The following HYDIN variants were observed in gnomAD, a reference collection of about 807,000 sequenced individuals.
The protein encoded by HYDIN is HYDIN axonemal central pair apparatus protein.
Under a neutral mutation model 403.9 loss-of-function variants are expected in HYDIN, and 132 were observed. The ratio of observed to expected loss-of-function variants is 0.33; its 90% CI spans 0.28 to 0.38. The LOEUF (loss-of-function observed/expected upper bound fraction) is 0.38. Among genes scored for constraint, HYDIN ranks in the 10% least tolerant of loss-of-function variants. The pLI, the probability that HYDIN is intolerant of heterozygous loss-of-function variation, is 1.00. For synonymous variants in HYDIN, 1,202 were observed against 1,891.7 expected (o/e 0.64, Z 9.46); for missense variants, 2,827 against 5,009.5 (o/e 0.56, Z 13.15).
chr16:71,037,769 T>A (rs2081142442), intron 18 of HYDIN, among the ~76,000 whole-genome samples: 1 of 152,128 alleles, frequency 6.6e-6, no homozygotes, highest in East Asian at 1.9e-4. Context: ...GGGGGCCCAG[T>A]AGTGGATCTT....
intron 77 of HYDIN, among the ~76,000 whole-genome samples, chr16:70,836,853 A>G (rs1174953577): frequency 1.3e-5 from 2 of 152,228 alleles, no homozygotes; most frequent in Non-Finnish European, 2.9e-5. Context: ...GTGCTAAATG[A>G]ACAAGTGAAA....
intron 60 of HYDIN, among the ~76,000 whole-genome samples, chr16:70,881,315 G>C (rs1332976946): frequency 5.0e-5 from 7 of 140,564 alleles, no homozygotes; most frequent in African/African-American, 2.1e-4. Flanking sequence ...TCCCAAATAA[G>C]ATTAGAGAAT....
intron 5 of HYDIN, among the ~76,000 whole-genome samples, chr16:71,173,627 T>G (rs1325556394): frequency 6.6e-6 from 1 of 152,146 alleles, no homozygotes; most frequent in African/African-American, 2.4e-5. Flanking sequence ...ACTCTTAACA[T>G]TCTATCATTC....
chr16:70,833,589 G>C (rs1197880464), intron 79 of HYDIN, among the ~76,000 whole-genome samples: 4 of 134,018 alleles, frequency 3.0e-5, no homozygotes, highest in Admixed American at 1.5e-4. Context: ...GCTTATCTGT[G>C]AAATGGGTTG....
chr16:71,217,503 G>C (rs188575519), intron 1 of HYDIN, among the ~76,000 whole-genome samples: 1 of 152,088 alleles, frequency 6.6e-6, no homozygotes, highest in Non-Finnish European at 1.5e-5. Context: ...AAAAATCCAC[G>C]AGTGGTGACC....
chr16:71,037,696 C>T (rs1165250790), intron 18 of HYDIN, among the ~76,000 whole-genome samples: 1 of 152,004 alleles, frequency 6.6e-6, no homozygotes, highest in African/African-American at 2.4e-5. Context: ...GACCGAGGGC[C>T]ACCAAAAAAA....
At chr16:71,120,889 TAGA>T (rs1489612498) in intron 9 of HYDIN, among the ~76,000 whole-genome samples, 2 of 152,238 alleles carry the variant, frequency 1.3e-5, no homozygotes, top group African/African-American at 4.8e-5. Flanking sequence ...AACTTACATT[TAGA>T]AGAATGATCC....
At chr16:71,050,699 T>A (rs1460181997) in intron 18 of HYDIN, among the ~76,000 whole-genome samples, 1 of 152,074 alleles carries the variant, frequency 6.6e-6, no homozygotes, top group Middle Eastern at 3.2e-3. Context: ...TTAAGTTTCC[T>A]CCATGTTTTT....
chr16:71,074,500 G>A (rs1208997176), intron 13 of HYDIN, among the ~76,000 whole-genome samples: 3 of 151,602 alleles, frequency 2.0e-5, no homozygotes, highest in African/African-American at 2.4e-5. Context: ...TGGCCAACAT[G>A]GTGAAACCCC....
chr16:71,059,722 C>T (rs9935325), intron 18 of HYDIN, among the ~76,000 whole-genome samples: 60,990 of 151,914 alleles, frequency 0.4, 12,918 homozygotes, highest in Non-Finnish European at 0.47. Context: ...CACACCAAAC[C>T]TGTGACATAC....
chr16:70,842,062 G>A (rs1005567007), intron 75 of HYDIN, among the ~76,000 whole-genome samples: 7 of 150,722 alleles, frequency 4.6e-5, no homozygotes, highest in African/African-American at 1.7e-4. Flanking sequence ...TACTTTGCAC[G>A]ATTTCAATCC....
At chr16:71,222,645 A>G (rs1227065492) in intron 1 of HYDIN, among the ~76,000 whole-genome samples, 5 of 152,234 alleles carry the variant, frequency 3.3e-5, no homozygotes, top group South Asian at 2.1e-4. Flanking sequence ...CTGAGGTTAC[A>G]AAATTAATGT....
At chr16:71,002,553 TAAA>T (rs200451927) in intron 23 of HYDIN, among the ~76,000 whole-genome samples, 1 of 145,994 alleles carries the variant, frequency 6.8e-6, no homozygotes, top group African/African-American at 2.5e-5. Flanking sequence ...CCCTGTCTGT[TAAA>T]AAAAAAAAAA....
chr16:71,024,565 G>T (rs1354783102), intron 21 of HYDIN, among the ~76,000 whole-genome samples: 1 of 141,696 alleles, frequency 7.1e-6, no homozygotes, highest in Admixed American at 7.3e-5. Flanking sequence ...GGTTATGTTT[G>T]TCTGGTTCAC....
intron 45 of HYDIN, among the ~76,000 whole-genome samples, chr16:70,933,106 G>A (rs2077396901): frequency 6.6e-6 from 1 of 151,646 alleles, no homozygotes; most frequent in Admixed American, 6.6e-5. Flanking sequence ...AAAACCAGGG[G>A]GTGTGATGAT....
rs545130110 is a variant in HYDIN at position 70,806,029 on chromosome 16, G to C, written c.*1551C>G. On this transcript the variant is annotated 3_prime_UTR_variant, in exon 86 of 86. Transcript: ENST00000393567. ...CCTACTTGATAGTCACTGAGTAGAT[G>C]ACTTGGGGTTAGCAGGTCAACTGTC... 3.9e-4 allele frequency among the ~76,000 whole-genome samples: 60 copies of C among 152,298 alleles called. No individual in the cohort carries two copies. The highest frequency in any genetic ancestry group is 2.1e-3 in the Admixed American group (32 of 15,308).
intron 1 of HYDIN, among the ~76,000 whole-genome samples, chr16:71,198,540 T>C (rs1309768917): frequency 6.6e-6 from 1 of 152,186 alleles, no homozygotes. Context: ...TGGAACTGTC[T>C]GGGCTCTGTT....
chr16:71,189,543 G>A (rs942409288), intron 1 of HYDIN, among the ~76,000 whole-genome samples: 9 of 152,128 alleles, frequency 5.9e-5, no homozygotes, highest in Admixed American at 2.6e-4. Context: ...CGAGGCAGGC[G>A]GATCACGCGG....
chr16:71,093,756 T>G, intron 11 of HYDIN, 61 bp downstream of exon 11: 1 of 1,575,742 alleles, frequency 6.3e-7, no homozygotes, highest in South Asian at 1.2e-5. Context: ...ACATATAAGA[T>G]AAAACAAACC....
Sources: allele counts gnomAD v4.1 joint callset (sites outside exome capture counted in the v4.1 genomes callset), GRCh38; gene constraint gnomAD v4.1.1; transcripts MANE v1.5; gene names NCBI Gene and HGNC (gene_info 2026-07-23, HGNC 2026-07-21).